The following AHCTF1 variants were observed in gnomAD, a reference collection of about 807,000 sequenced individuals.
The protein encoded by AHCTF1 is AT-hook containing transcription factor 1.
A neutral mutation model predicts 248.4 loss-of-function variants in AHCTF1; 24 were observed. The ratio of observed to expected loss-of-function variants is 0.10; its 90% confidence interval spans 0.07 to 0.14. The LOEUF is 0.14. AHCTF1 is among the 10% of genes least tolerant of loss of function. The probability of loss-of-function intolerance (pLI) is 1.00; values close to 1 mark genes in which losing one functional copy is unlikely to be tolerated. For synonymous variants in AHCTF1, 786 were observed against 929.8 expected (o/e 0.85, Z 2.81); for missense variants, 2,206 against 2,636.2 (o/e 0.84, Z 3.57).
At chr1:246,894,785 A>G (rs1664451226) in intron 13 of AHCTF1, 37 bp from the exon 14 acceptor site, 1 of 1,550,244 alleles carries the variant, frequency 6.5e-7, no homozygotes, top group Non-Finnish European at 8.9e-7. Context: ...AATAAAGATT[A>G]TTAATTACAA....
At chr1:246,911,229 T>C (rs1238410521) in intron 4 of AHCTF1, among the ~76,000 whole-genome samples, 5 of 152,198 alleles carry the variant, frequency 3.3e-5, no homozygotes, top group South Asian at 2.1e-4. Context: ...ATTACGAATA[T>C]AAGCATTTTA....
intron 5 of AHCTF1, among the ~76,000 whole-genome samples, chr1:246,906,409 C>T (rs1253379331): frequency 6.6e-6 from 1 of 151,136 alleles, no homozygotes; most frequent in African/African-American, 2.4e-5. Context: ...GAAAATCCGT[C>T]TCTAAAAAAA....
At chr1:246,914,291 C>A (rs1397810879) in intron 3 of AHCTF1, among the ~76,000 whole-genome samples, 1 of 152,206 alleles carries the variant, frequency 6.6e-6, no homozygotes, top group Non-Finnish European at 1.5e-5. Context: ...ATCTAAAACA[C>A]TTCTAGTCCC....
At chr1:246,929,526 GAA>G (rs534921674) in intron 1 of AHCTF1, among the ~76,000 whole-genome samples, 3 of 152,330 alleles carry the variant, frequency 2.0e-5, no homozygotes, top group Admixed American at 6.5e-5. Flanking sequence ...CATGAGCAAA[GAA>G]ACATCAGAGT....
chr1:246,876,021 T>C lies in AHCTF1; in HGVS notation c.3088+16A>G. On this transcript the variant is annotated intron_variant, in intron 24 of 35. Transcript: ENST00000648844. Reference sequence around the variant, plus strand: ...TTGATCCAATAGATTATGATATTCTTCAATGAAATTCTTACCTAATCGAAA... The same window carrying C: ...TTGATCCAATAGATTATGATATTCTCCAATGAAATTCTTACCTAATCGAAA... 6.4e-7 allele frequency: 1 copy of C among 1,571,584 alleles called. No individual in the cohort carries two copies. The highest frequency in any genetic ancestry group is 1.2e-5 in the South Asian group (1 of 85,256).
At chr1:246,868,866 A>C (rs1380925479) in intron 24 of AHCTF1, among the ~76,000 whole-genome samples, 2 of 132,712 alleles carry the variant, frequency 1.5e-5, no homozygotes, top group East Asian at 2.1e-4. Context: ...TTTTTTTGAG[A>C]TGGAGTCTCG....
intron 1 of AHCTF1, among the ~76,000 whole-genome samples, chr1:246,929,963 A>T (rs1208269049): frequency 6.6e-6 from 1 of 152,062 alleles, no homozygotes. Context: ...GAGGCAGGAG[A>T]ATCGCTTGAA....
At chr1:246,918,157 C>A (rs1184163253) in intron 2 of AHCTF1, 93 bp downstream of exon 2, 1 of 1,198,598 alleles carries the variant, frequency 8.3e-7, no homozygotes, top group Non-Finnish European at 1.1e-6. Context: ...TCTGCTTTTT[C>A]TTCTTCCACA....
intron 33 of AHCTF1, among the ~76,000 whole-genome samples, chr1:246,848,250 G>GC (rs1401977422): frequency 2.0e-5 from 3 of 151,594 alleles, no homozygotes; most frequent in East Asian, 1.9e-4. Flanking sequence ...TTATTATTTG[G>GC]CCCCCCGGGC....
intron 5 of AHCTF1, among the ~76,000 whole-genome samples, chr1:246,906,573 C>T (rs1277281325): frequency 6.6e-6 from 1 of 151,838 alleles, no homozygotes; most frequent in Non-Finnish European, 1.5e-5. Context: ...CAGAGTGAGA[C>T]CCCACCCCCC....
intron 1 of AHCTF1, among the ~76,000 whole-genome samples, chr1:246,930,232 T>G (rs1291911243): frequency 6.6e-6 from 1 of 152,184 alleles, no homozygotes; most frequent in Non-Finnish European, 1.5e-5. Flanking sequence ...GAACTCTCAG[T>G]TTGAGGCTGA....
intron 31 of AHCTF1, 95 bp from the exon 32 acceptor site, chr1:246,853,394 G>C (rs976287237): frequency 1.8e-5 from 17 of 958,884 alleles, no homozygotes; most frequent in Middle Eastern, 2.3e-4. Flanking sequence ...CACTGCACTT[G>C]AATAGTGTAT....
rs74163703 is a variant in AHCTF1 at position 246,898,621 on chromosome 1, AACACACAC to A, written c.1495-293_1495-286del. 1.8e-3 allele frequency among the ~76,000 whole-genome samples: 266 copies of A among 147,074 alleles called. 1 individual carries two copies. Among genetic ancestry groups the A allele is most frequent in the African/African-American group, 3.8e-3 (150 of 39,924 alleles). On this transcript the variant is annotated intron_variant, in intron 11 of 35. Transcript: ENST00000648844. ...GACAGATTTGGTGACATCTTGACAA[AACACACAC>A]ACACACACACACACACACACACACA...
intron 2 of AHCTF1, among the ~76,000 whole-genome samples, chr1:246,917,122 A>G (rs1430999964): frequency 6.6e-6 from 1 of 152,216 alleles, no homozygotes; most frequent in East Asian, 1.9e-4. Context: ...CCAGCTGCTA[A>G]GCAAAGAATG....
In AHCTF1 at chr1:246,867,808, G is replaced by T. The variant is rs780913527; in HGVS notation, c.3092C>A (p.Ser1031Tyr). The T allele has an allele frequency of 6.4e-7, 1 of 1,570,158 alleles. No individual in the cohort carries two copies. Among genetic ancestry groups the T allele is most frequent in the African/African-American group, 1.4e-5 (1 of 69,532 alleles). ...LSTSSVFRLV[S>Y]RPKPLSAVPK... Reference sequence around the variant, plus strand: ...AACTGCTGATAATGGTTTGGGTCTAGAAACTGTAAAATGAAGAACGCTGGA... The same window carrying T: ...AACTGCTGATAATGGTTTGGGTCTATAAACTGTAAAATGAAGAACGCTGGA... The change falls in exon 25 of 36, where the codon TCT becomes TAT. Residue 1031 changes from serine to tyrosine, a missense_variant. Physicochemically the swap from Ser to Tyr is moderately radical, Grantham distance 144. Transcript: ENST00000648844.
intron 25 of AHCTF1, 144 bp from the exon 26 acceptor site, chr1:246,867,495 A>G: frequency 7.5e-6 from 8 of 1,073,220 alleles, no homozygotes; most frequent in Non-Finnish European, 1.1e-5. Flanking sequence ...TTTCACTTTT[A>G]AAGGTTTTTA....
At chr1:246,905,935 A>T (rs1464784486) in intron 5 of AHCTF1, among the ~76,000 whole-genome samples, 1 of 152,204 alleles carries the variant, frequency 6.6e-6, no homozygotes, top group Non-Finnish European at 1.5e-5. Context: ...CCTAAGAGTC[A>T]TATTCAATGC....
intron 7 of AHCTF1, among the ~76,000 whole-genome samples, chr1:246,903,185 T>C (rs1309657673): frequency 6.6e-6 from 1 of 152,172 alleles, no homozygotes; most frequent in Non-Finnish European, 1.5e-5. Flanking sequence ...AAAAGTCGGT[T>C]CTAGAGACAG....
chr1:246,867,500 T>A (rs1165095885), intron 25 of AHCTF1, 149 bp from the exon 26 acceptor site: 8 of 1,103,220 alleles, frequency 7.3e-6, no homozygotes, highest in Non-Finnish European at 1.0e-5. Flanking sequence ...CTTTTAAAGG[T>A]TTTTAAAAAT....
Sources: gnomAD v4.1 joint callset for allele counts (sites outside exome capture counted in the v4.1 genomes callset) on GRCh38, gnomAD v4.1.1 for gene constraint, MANE v1.5 for transcripts, NCBI Gene and HGNC (gene_info 2026-07-23, HGNC 2026-07-21) for gene names.